CBFA2T2: variants seen among roughly 807,000 people sequenced by gnomAD.
CBFA2T2 encodes the protein CBFA2/RUNX1 partner transcriptional co-repressor 2.
Under a neutral mutation model 62.2 loss-of-function variants are expected in CBFA2T2, and 11 were observed. The ratio of observed to expected loss-of-function variants is 0.18; its 90% CI spans 0.11 to 0.29. CBFA2T2 has a LOEUF of 0.29. Ranked by LOEUF, CBFA2T2 falls within the 10% of genes least tolerant of loss-of-function variation. The pLI, the probability that CBFA2T2 is intolerant of heterozygous loss-of-function variation, is 1.00. For synonymous variants in CBFA2T2, 295 were observed against 287.5 expected (o/e 1.03, Z -0.27); for missense variants, 592 against 774.1 (o/e 0.76, Z 2.79).
At chr20:33,610,824 T>A (rs1304045421) in intron 2 of CBFA2T2, among the ~76,000 whole-genome samples, 20 of 152,164 alleles carry the variant, frequency 1.3e-4, no homozygotes, top group Admixed American at 1.3e-3. Flanking sequence ...TTCTTAAAAC[T>A]ACCCACCCCT....
chr20:33,533,441 G>T (rs1222869071), intron 1 of CBFA2T2, among the ~76,000 whole-genome samples: 1 of 151,972 alleles, frequency 6.6e-6, no homozygotes, highest in Non-Finnish European at 1.5e-5. Flanking sequence ...TCCTTTTTAG[G>T]TCTGGTTTCT....
At chr20:33,498,574 A>G (rs761888767) in intron 1 of CBFA2T2, among the ~76,000 whole-genome samples, 1 of 151,880 alleles carries the variant, frequency 6.6e-6, no homozygotes, top group African/African-American at 2.4e-5. Flanking sequence ...TCTTATATAC[A>G]GAATCAAAAA....
intron 1 of CBFA2T2, among the ~76,000 whole-genome samples, chr20:33,522,283 A>G (rs2062968608): frequency 6.6e-6 from 1 of 152,202 alleles, no homozygotes; most frequent in Non-Finnish European, 1.5e-5. Context: ...ATAACCTTCT[A>G]AAAAATTCTT....
intron 1 of CBFA2T2, among the ~76,000 whole-genome samples, chr20:33,501,214 C>T (rs2011273725): frequency 6.6e-6 from 1 of 152,192 alleles, no homozygotes; most frequent in Admixed American, 6.5e-5. Context: ...AATGTGACCT[C>T]TGTAGCAGCT....
chr20:33,512,113 G>T (rs2011521390), intron 1 of CBFA2T2, among the ~76,000 whole-genome samples: 1 of 151,966 alleles, frequency 6.6e-6, no homozygotes, highest in Non-Finnish European at 1.5e-5. Flanking sequence ...GGAGGGGGAG[G>T]TTGCAGTGAG....
At chr20:33,629,638 C>T in intron 7 of CBFA2T2, 81 bp from the exon 8 acceptor site, 2 of 1,250,288 alleles carry the variant, frequency 1.6e-6, no homozygotes, top group South Asian at 2.9e-5. Context: ...CTGAATTCCT[C>T]ATATTGCGTT....
At chr20:33,508,108 T>G (rs1217676004) in intron 1 of CBFA2T2, among the ~76,000 whole-genome samples, 1 of 152,070 alleles carries the variant, frequency 6.6e-6, no homozygotes, top group East Asian at 1.9e-4. Context: ...GTGCTGTTTT[T>G]GTTTGTTTGA....
intron 1 of CBFA2T2, among the ~76,000 whole-genome samples, chr20:33,491,742 C>G (rs1327499025): frequency 6.6e-6 from 1 of 151,694 alleles, no homozygotes; most frequent in African/African-American, 2.4e-5. Context: ...TGCTCTGTCG[C>G]CCAGACTGGA....
At chr20:33,562,657 A>C in intron 1 of CBFA2T2, 1 of 985,478 alleles carries the variant, frequency 1.0e-6, no homozygotes, top group Non-Finnish European at 1.2e-6. Context: ...TGGATTGTTT[A>C]TAATTTGGGC....
chr20:33,642,766 C>A (rs769408866), intron 10 of CBFA2T2, among the ~76,000 whole-genome samples: 3 of 152,122 alleles, frequency 2.0e-5, no homozygotes, highest in Non-Finnish European at 4.4e-5. Context: ...TATTTATCTA[C>A]TTTTATCTCT....
intron 8 of CBFA2T2, among the ~76,000 whole-genome samples, chr20:33,635,866 A>T (rs1247271048): frequency 6.6e-6 from 1 of 152,156 alleles, no homozygotes; most frequent in Non-Finnish European, 1.5e-5. Flanking sequence ...TGGGTGACAG[A>T]ACAAGACCCT....
intron 1 of CBFA2T2, among the ~76,000 whole-genome samples, chr20:33,575,006 A>G (rs1033595662): frequency 6.6e-6 from 1 of 152,370 alleles, no homozygotes; most frequent in Admixed American, 6.5e-5. Context: ...ATTGTATTAA[A>G]CATTTGGAGT....
At chr20:33,582,436 C>T (rs1352844364) in intron 1 of CBFA2T2, among the ~76,000 whole-genome samples, 3 of 151,096 alleles carry the variant, frequency 2.0e-5, no homozygotes, top group African/African-American at 4.9e-5. Flanking sequence ...TGCAGTGAGC[C>T]GAGACCACGC....
intron 1 of CBFA2T2, among the ~76,000 whole-genome samples, chr20:33,601,159 C>T (rs1466623841): frequency 1.3e-5 from 2 of 152,184 alleles, no homozygotes; most frequent in African/African-American, 4.8e-5. Context: ...TCTAATCCGC[C>T]CACCTCAGTC....
At chr20:33,555,288 A>G (rs1049689610) in intron 1 of CBFA2T2, among the ~76,000 whole-genome samples, 3 of 152,210 alleles carry the variant, frequency 2.0e-5, no homozygotes, top group Non-Finnish European at 2.9e-5. Flanking sequence ...AAAAAACATT[A>G]AAATGGCATG....
At chr20:33,576,627 A>C (rs1243203336) in intron 1 of CBFA2T2, among the ~76,000 whole-genome samples, 30 of 152,222 alleles carry the variant, frequency 2.0e-4, no homozygotes, top group Admixed American at 2.0e-3. Context: ...GCTGCCCAAC[A>C]GGAATAACCT....
chr20:33,649,715 C>T lies in CBFA2T2; in HGVS notation c.*5069C>T, dbSNP rs2017183558. On this transcript the variant is annotated 3_prime_UTR_variant, in exon 11 of 11. Coordinates refer to ENST00000342704, the MANE Select transcript of CBFA2T2 (RefSeq NM_001032999.3). ...AAGGGCTGCTGCGCCAAGAGGCCTT[C>T]AGTCCCCTTAACGTGGCTTTCCAAC... 1 of 152,452 alleles carries T rather than the reference C, an allele frequency of 6.6e-6. No homozygotes were observed. Among genetic ancestry groups the T allele is most frequent in the Admixed American group, 6.5e-5 (1 of 15,290 alleles). The allele number at this position is 152,452 out of a possible 1,614,324, so 9.4% of individuals were successfully genotyped here. A position where few individuals can be genotyped will look rare whatever the true frequency, so the allele number is the denominator to read the frequency against.
chr20:33,579,799 GTCTC>G (rs200197175), intron 1 of CBFA2T2, among the ~76,000 whole-genome samples: 1,680 of 147,334 alleles, frequency 0.011, 29 homozygotes, highest in African/African-American at 0.04. Context: ...ACATCTTGGT[GTCTC>G]TCTCTCTCTC....
At chr20:33,583,757 G>A (rs1427876638) in intron 1 of CBFA2T2, among the ~76,000 whole-genome samples, 1 of 152,076 alleles carries the variant, frequency 6.6e-6, no homozygotes, top group East Asian at 1.9e-4. Context: ...TTCATCCTCA[G>A]TACTTGACTG....
Sources: gnomAD v4.1 joint callset for allele counts (sites outside exome capture counted in the v4.1 genomes callset) on GRCh38, gnomAD v4.1.1 for gene constraint, MANE v1.5 for transcripts, NCBI Gene and HGNC (gene_info 2026-07-23, HGNC 2026-07-21) for gene names.